The following GNS variants were observed in gnomAD, a reference collection of about 807,000 sequenced individuals.
GNS encodes N-acetylglucosamine-6-sulfatase.
In GNS, 40 loss-of-function variants were observed where a neutral mutation model predicts 69.7. The observed-to-expected ratio is 0.57, with a 90% confidence interval of 0.45 to 0.75. The LOEUF (loss-of-function observed/expected upper bound fraction) is 0.75, where lower values mean the gene tolerates loss of function less well. Ranked by LOEUF, GNS falls within the 30% of genes least tolerant of loss-of-function variation. The pLI is 0.00. For synonymous variants in GNS, 243 were observed against 251.6 expected (o/e 0.97, Z 0.32); for missense variants, 565 against 685.5 (o/e 0.82, Z 1.96).
At chr12:64,731,614 G>A (rs1423017033) in intron 9 of GNS, among the ~76,000 whole-genome samples, 1 of 152,156 alleles carries the variant, frequency 6.6e-6, no homozygotes, top group Non-Finnish European at 1.5e-5. Context: ...ATCAGGAGAT[G>A]GGAGACTTCT....
chr12:64,735,079 C>T (rs1869521827), intron 9 of GNS, among the ~76,000 whole-genome samples: 1 of 152,172 alleles, frequency 6.6e-6, no homozygotes, highest in Non-Finnish European at 1.5e-5. Flanking sequence ...CACTGCACTC[C>T]AGCCTGGGTG....
At chr12:64,752,864 T>C (rs565022271) in intron 1 of GNS, 107 bp from the exon 2 acceptor site, 15 of 722,256 alleles carry the variant, frequency 2.1e-5, no homozygotes, top group Admixed American at 6.0e-5. Context: ...TATTCCCAAA[T>C]GGTCAGCTCT....
chr12:64,732,166 G>GTTTTTT (rs1565883223), intron 9 of GNS, among the ~76,000 whole-genome samples: 1 of 98,592 alleles, frequency 1.0e-5, no homozygotes, highest in Non-Finnish European at 1.9e-5. Flanking sequence ...TTTTTTTTTT[G>GTTTTTT]TTGTTTTTTT....
Position 64,737,068 on chromosome 12 carries a change from T to C in GNS, c.1034A>G (p.Glu345Gly). 6.2e-7 allele frequency: 1 copy of C among 1,600,416 alleles called. No homozygotes were observed. The highest frequency in any genetic ancestry group is 8.6e-7 in the Non-Finnish European group (1 of 1,167,462). Residue 345 changes from glutamate (E) to glycine (G), a missense_variant, in exon 9 of 14, where the codon GAG (glutamate) becomes GGG (glycine). Glu to Gly is a moderately conservative substitution (Grantham distance 98). Around this residue, in one of 2 missense-constraint regions of GNS, gnomAD observed 384 missense variants for 511.0 expected, o/e 0.75. Coordinates refer to ENST00000258145, the MANE Select transcript of GNS (RefSeq NM_002076.4). ...CAACAGTGGAACTTTGATATCAAACTCATACAGCTGTCTCTTGTCTATTGG... is the reference window on the plus strand; with the variant it reads ...CAACAGTGGAACTTTGATATCAAACCCATACAGCTGTCTCTTGTCTATTGG... ...SLPIDKRQLY[E>G]FDIKVPLLVR...
At chr12:64,727,145 T>C (rs1869227206) in intron 10 of GNS, among the ~76,000 whole-genome samples, 2 of 151,406 alleles carry the variant, frequency 1.3e-5, no homozygotes, top group Admixed American at 6.6e-5. Flanking sequence ...ATCTCAGCAC[T>C]TTGGGAGGCT....
Position 64,759,336 on chromosome 12 carries a change from T to C in GNS, c.-60A>G. ...CGGGACGGAGGGACGCACAGGTAGC[T>C]GAAGGGCGAGAGGCCGACCAGCCGA... is the stretch of plus-strand genomic sequence containing the variant. On this transcript the variant is annotated 5_prime_UTR_variant, in exon 1 of 14. Transcript: ENST00000258145. 1 of 1,210,826 alleles carries C rather than the reference T, an allele frequency of 8.3e-7. No individual in the cohort carries two copies. Among genetic ancestry groups the C allele is most frequent in the Non-Finnish European group, 1.1e-6 (1 of 890,924 alleles). 75.0% of individuals were successfully genotyped at this position (1,210,826 alleles called of 1,614,324 possible).
In GNS at chr12:64,739,397, G is replaced by C; in HGVS notation, c.978C>G (p.Asp326Glu). Residue 326 changes from aspartate (D) to glutamate (E), a missense_variant, in exon 8 of 14, where the codon GAC becomes GAG. This residue lies in a region of GNS where 384 missense variants were observed against 511.0 expected (regional missense o/e 0.75). Coordinates refer to ENST00000258145, the MANE Select transcript of GNS (RefSeq NM_002076.4). ...GCCTCTGACCTGTGTGATAGCCATT[G>C]TCTGAGGTATAGAAGATGTAAGTGT... ...LNNTYIFYTS[D>E]NGYHTGQFSL... The C allele has an allele frequency of 6.5e-7, 1 of 1,535,556 alleles. No individual in the cohort carries two copies.
intron 7 of GNS, among the ~76,000 whole-genome samples, chr12:64,740,117 C>T (rs1410794766): frequency 6.6e-6 from 1 of 152,222 alleles, no homozygotes; most frequent in Non-Finnish European, 1.5e-5. Flanking sequence ...TTAATATTTA[C>T]TATCTGCCCC....
intron 4 of GNS, among the ~76,000 whole-genome samples, chr12:64,745,204 CTTTTTTTTTTTTT>C (rs141453545): frequency 1.7e-4 from 7 of 42,352 alleles, no homozygotes; most frequent in East Asian, 1.8e-3. Context: ...AGTCAATAGA[CTTTTTTTTTTTTT>C]TTTTTTTTTT....
chr12:64,720,325 G>A (rs1328379501), intron 12 of GNS, 143 bp from the exon 13 acceptor site: 2 of 675,128 alleles, frequency 3.0e-6, no homozygotes, highest in East Asian at 5.2e-5. Flanking sequence ...CTCTCAATCT[G>A]TTTTCAAGAT....
Position 64,714,459 on chromosome 12 carries a change from T to G in GNS, c.*2282A>C, listed in dbSNP as rs950078336. ...CTGTTACGCTATAAACTGAGGTCTC[T>G]TTATGAAAGATTATTTTAGCACAAA... On this transcript the variant is annotated 3_prime_UTR_variant, in exon 14 of 14. Transcript: ENST00000258145. The G allele has an allele frequency of 5.9e-5, 9 of 152,202 alleles. No individual in the cohort carries two copies. The highest frequency in any genetic ancestry group is 3.3e-4 in the Admixed American group (5 of 15,284). 9.4% of individuals were successfully genotyped at this position (152,202 alleles called of 1,614,324 possible).
chr12:64,736,362 C>T (rs1011456363), intron 9 of GNS, among the ~76,000 whole-genome samples: 1 of 152,190 alleles, frequency 6.6e-6, no homozygotes, highest in Non-Finnish European at 1.5e-5. Flanking sequence ...AAGAGCCCAG[C>T]ACAGGGAAAG....
At chr12:64,756,915 G>A (rs1870269086) in intron 1 of GNS, among the ~76,000 whole-genome samples, 1 of 152,186 alleles carries the variant, frequency 6.6e-6, no homozygotes, top group Non-Finnish European at 1.5e-5. Context: ...AGCACTTTGG[G>A]AGGCTGAGGT....
chr12:64,754,913 T>C (rs1045002105), intron 1 of GNS, among the ~76,000 whole-genome samples: 2 of 152,072 alleles, frequency 1.3e-5, no homozygotes, highest in African/African-American at 4.8e-5. Flanking sequence ...AAGAAGTTTT[T>C]ATTAACTGCC....
At chr12:64,755,294 G>A (rs572756539) in intron 1 of GNS, among the ~76,000 whole-genome samples, 1 of 152,142 alleles carries the variant, frequency 6.6e-6, no homozygotes, top group Non-Finnish European at 1.5e-5. Context: ...TTTCAGTGAA[G>A]CAATGACATA....
In GNS at chr12:64,740,653, T is replaced by C. The variant is rs756712675; in HGVS notation, c.828A>G (p.Pro276=). 2 of 1,590,300 alleles carry C rather than the reference T, an allele frequency of 1.3e-6. No individual in the cohort carries two copies. The highest frequency in any genetic ancestry group is 1.3e-5 in the African/African-American group (1 of 74,502). ...AAAACTGTATTGAAGAATTAGTCATTGGAGTCTTGGCTTGCCTAATTAACC... is the reference window on the plus strand; with the variant it reads ...AAAACTGTATTGAAGAATTAGTCATCGGAGTCTTGGCTTGCCTAATTAACC... ...KHWLIRQAKT[P]MTNSSIQFLD... Residue 276 remains proline (P), a synonymous_variant, in exon 7 of 14, where the codon CCA becomes CCG. Transcript: ENST00000258145.
intron 9 of GNS, among the ~76,000 whole-genome samples, chr12:64,730,434 C>CAAAAAAAAAAAAAAAAAAAAA (rs35692874): frequency 4.2e-4 from 18 of 43,372 alleles, no homozygotes; most frequent in Admixed American, 6.1e-4. Flanking sequence ...ATATGAAAGG[C>CAAAAAAAAAAAAAAAAAAAAA]AAAAAAAAAA....
At chr12:64,745,977 A>G in intron 3 of GNS, 1 of 530,864 alleles carries the variant, frequency 1.9e-6, no homozygotes, top group Admixed American at 3.3e-5. Flanking sequence ...AGAATTTAAC[A>G]ATTTTAAAAT....
At chr12:64,742,235 T>C (rs1426674830) in intron 6 of GNS, among the ~76,000 whole-genome samples, 6 of 152,184 alleles carry the variant, frequency 3.9e-5, no homozygotes, top group Non-Finnish European at 8.8e-5. Flanking sequence ...TTAGCCAGGA[T>C]GGTCTCAATC....
Sources: allele counts gnomAD v4.1 joint callset (sites outside exome capture counted in the v4.1 genomes callset), GRCh38; gene constraint gnomAD v4.1.1; regional missense constraint gnomAD v4.1.1; transcripts MANE v1.5; gene names NCBI Gene and HGNC (gene_info 2026-07-23, HGNC 2026-07-21).